ELFN2: variants seen among roughly 807,000 people sequenced by gnomAD.
ELFN2 encodes extracellular leucine rich repeat and fibronectin type III domain containing 2, also known as protein phosphatase 1 regulatory subunit 29.
In ELFN2, 17 loss-of-function variants were observed where a neutral mutation model predicts 45.5. The observed-to-expected ratio is 0.37, with a 90% CI of 0.26 to 0.56. The LOEUF (loss-of-function observed/expected upper bound fraction) is 0.56. ELFN2 is among the 20% of genes least tolerant of loss of function. ELFN2 has a pLI of 0.77. For missense variants in ELFN2, 922 were observed against 1,183.2 expected (o/e 0.78, Z 3.24); for synonymous variants, 550 against 551.5 (o/e 1.00, Z 0.04).
At chr22:37,422,127 C>T (rs887973252) in intron 1 of ELFN2, among the ~76,000 whole-genome samples, 15 of 152,094 alleles carry the variant, frequency 9.9e-5, no homozygotes, top group Non-Finnish European at 1.6e-4. Flanking sequence ...CATCCTTAGG[C>T]GCCCCCAACC....
chr22:37,385,690 C>T (rs529883834), intron 2 of ELFN2, among the ~76,000 whole-genome samples: 5 of 152,238 alleles, frequency 3.3e-5, no homozygotes, highest in African/African-American at 1.2e-4. Flanking sequence ...AGGGGTATTC[C>T]TATGAGCCTC....
intron 1 of ELFN2, among the ~76,000 whole-genome samples, chr22:37,346,636 C>T (rs1194508509): frequency 6.6e-6 from 1 of 152,166 alleles, no homozygotes; most frequent in Non-Finnish European, 1.5e-5. Flanking sequence ...ATAAAGAATT[C>T]CTCTGCCCTT....
At chr22:37,381,442 C>T (rs1931763219) in intron 2 of ELFN2, among the ~76,000 whole-genome samples, 1 of 152,094 alleles carries the variant, frequency 6.6e-6, no homozygotes, top group Non-Finnish European at 1.5e-5. Context: ...GGCACACTCC[C>T]CACCCCAGGA....
At chr22:37,364,454 C>T (rs1009544373), downstream of ELFN2, among the ~76,000 whole-genome samples, 3 of 152,180 alleles carry the variant, frequency 2.0e-5, no homozygotes, top group South Asian at 6.2e-4. Context: ...TGTGAGGGCA[C>T]TCAGAGGGGA....
chr22:37,381,329 G>A (rs1034045952), intron 2 of ELFN2, among the ~76,000 whole-genome samples: 1 of 152,008 alleles, frequency 6.6e-6, no homozygotes. Flanking sequence ...CCTGTCAGAG[G>A]AAAGCGTGCA....
chr22:37,405,773 C>T (rs1932483343), intron 2 of ELFN2, among the ~76,000 whole-genome samples: 1 of 151,024 alleles, frequency 6.6e-6, no homozygotes, highest in South Asian at 2.1e-4. Context: ...AACTGTGTGA[C>T]CTTGGACAAG....
intron 1 of ELFN2, among the ~76,000 whole-genome samples, chr22:37,424,682 G>T (rs936005293): frequency 0.15 from 12,522 of 81,656 alleles, 615 homozygotes; most frequent in Middle Eastern, 0.28. Context: ...GAGGGCGGCG[G>T]GGGGGGGGAT....
At chr22:37,420,908 T>C (rs1334516286) in intron 1 of ELFN2, among the ~76,000 whole-genome samples, 1 of 152,190 alleles carries the variant, frequency 6.6e-6, no homozygotes, top group Non-Finnish European at 1.5e-5. Context: ...CGGAGGGTTC[T>C]GGGAGGAGTC....
chr22:37,346,026 C>T lies in ELFN2; in HGVS notation n.149-3323G>A, dbSNP rs567225991. Among the ~76,000 whole-genome samples the T allele has an allele frequency of 2.0e-5, 3 of 152,288 alleles. No homozygotes were observed. In the South Asian group the frequency reaches 6.2e-4, roughly 32 times the overall value. On this transcript the variant is annotated intron_variant and non_coding_transcript_variant, in intron 1 of 2. Transcript: ENST00000452946. Reference sequence around the variant, plus strand: ...ATCCTCTCCACCATCCTCTCAAAAACGCTCACTAACCTCTCTGGGCCACAG... The same window carrying T: ...ATCCTCTCCACCATCCTCTCAAAAATGCTCACTAACCTCTCTGGGCCACAG...
chr22:37,359,714 G>T (rs1931035166), intron 1 of ELFN2, among the ~76,000 whole-genome samples: 1 of 152,224 alleles, frequency 6.6e-6, no homozygotes, highest in Non-Finnish European at 1.5e-5. Context: ...ACCACCATGG[G>T]GCAGGGCAGA....
chr22:37,373,070 G>A lies in ELFN2; in HGVS notation c.*2C>T, dbSNP rs1037321628. The A allele has an allele frequency of 5.0e-6, 8 of 1,584,280 alleles. No homozygotes were observed. Among genetic ancestry groups the A allele is most frequent in the Non-Finnish European group, 6.9e-6 (8 of 1,160,630 alleles). ...CGACCTCACCAGGGAGGAAGGGGGG[G>A]GTCACAGCTTCTGCTGGGCGGAGAC... On this transcript the variant is annotated 3_prime_UTR_variant, in exon 3 of 3. Coordinates refer to ENST00000402918, the MANE Select transcript of ELFN2 (RefSeq NM_052906.5).
chr22:37,389,228 C>T (rs1932033212), intron 2 of ELFN2, among the ~76,000 whole-genome samples: 1 of 152,072 alleles, frequency 6.6e-6, no homozygotes, highest in Non-Finnish European at 1.5e-5. Context: ...GCAGGACCAG[C>T]TGTTCCTGAC....
chr22:37,402,317 T>C (rs1932383145), intron 2 of ELFN2, among the ~76,000 whole-genome samples: 1 of 152,244 alleles, frequency 6.6e-6, no homozygotes, highest in African/African-American at 2.4e-5. Flanking sequence ...GGTTCGGTTT[T>C]GTTGGCAGAC....
At position 37,406,520 on chromosome 22, in the gene ELFN2, C is replaced by T. The variant is rs1478911852; in HGVS notation, c.-463+11249G>A. 2.6e-5 allele frequency among the ~76,000 whole-genome samples: 4 copies of T among 152,254 alleles called. No individual in the cohort carries two copies. The East Asian group carries it at 7.7e-4, about 29-fold the overall frequency. ...CCATCCATGCCACCCCCCACTCCCA[C>T]CGCCCCTGCAGCAAGCACACAGCCA... is the stretch of plus-strand genomic sequence containing the variant. On this transcript the variant is annotated intron_variant, in intron 2 of 2. Transcript: ENST00000402918.
At chr22:37,409,238 C>T (rs896758147) in intron 2 of ELFN2, among the ~76,000 whole-genome samples, 2 of 152,226 alleles carry the variant, frequency 1.3e-5, no homozygotes, top group African/African-American at 2.4e-5. Context: ...CCCCCAGCTC[C>T]GGAAGGCCCG....
In ELFN2 at chr22:37,379,875, T is replaced by C. The variant is rs116964379; in HGVS notation, c.-462-3879A>G. Among the ~76,000 whole-genome samples the C allele has an allele frequency of 5.6e-4, 85 of 152,200 alleles. No individual in the cohort carries two copies. The East Asian group carries it at 0.012, about 22-fold the overall frequency. On this transcript the variant is annotated intron_variant, in intron 2 of 2. Coordinates refer to ENST00000402918, the MANE Select transcript of ELFN2 (RefSeq NM_052906.5). ...CGGGTGCTCCTAGGTCCCGGGCCCC[T>C]CTCTGGACTCAGAACTGAGAAGACA...
At position 37,374,977 on chromosome 22, in the gene ELFN2, G is replaced by C. The variant is rs370243734; in HGVS notation, c.558C>G (p.Pro186=). 3.1e-5 allele frequency: 50 copies of C among 1,613,246 alleles called. No individual in the cohort carries two copies. The highest frequency in any genetic ancestry group is 4.0e-5 in the Non-Finnish European group (47 of 1,180,014). ...SLMVCELAGN[P]FNCECDLFGF... ...CGAAGAGGTCGCACTCACAGTTGAA[G>C]GGGTTGCCGGCCAGCTCACACACCA... is the stretch of plus-strand genomic sequence containing the variant. Residue 186 remains proline (P), a synonymous_variant, in exon 3 of 3, where the codon CCC becomes CCG. Transcript: ENST00000402918.
intron 1 of ELFN2, among the ~76,000 whole-genome samples, chr22:37,426,578 T>G: frequency 1.9e-5 from 2 of 103,912 alleles, no homozygotes; most frequent in South Asian, 3.9e-4. Context: ...CCCCTCCCCG[T>G]CCCCTGACAG....
rs1013501169 is a variant in ELFN2, at chr22:37,411,769, A to G, written c.-463+6000T>C. The stretch of plus-strand genomic sequence containing the variant: ...CCCTGTGGGCCTACTGTGTGCAGAT[A>G]CTCCTATCTCCAATCCTATTTCACT... On this transcript the variant is annotated intron_variant, in intron 2 of 2. Coordinates refer to ENST00000402918, the MANE Select transcript of ELFN2 (RefSeq NM_052906.5). 1.4e-4 allele frequency among the ~76,000 whole-genome samples: 21 copies of G among 151,736 alleles called. 1 individual carries two copies. Among genetic ancestry groups the G allele is most frequent in the Admixed American group, 1.3e-3 (20 of 15,254 alleles).
Sources: gnomAD v4.1 joint callset for allele counts (sites outside exome capture counted in the v4.1 genomes callset) on GRCh38, gnomAD v4.1.1 for gene constraint, MANE v1.5 for transcripts, NCBI Gene and HGNC (gene_info 2026-07-23, HGNC 2026-07-21) for gene names.